The following ZNF423 variants were observed in gnomAD, a reference collection of about 807,000 sequenced individuals.
The protein encoded by ZNF423 is Ebf-associated zinc finger protein.
In ZNF423, 12 loss-of-function variants were observed where a neutral mutation model predicts 95.8. The observed-to-expected ratio is 0.13, with a 90% confidence interval of 0.08 to 0.20. ZNF423 has a LOEUF of 0.20. Among genes scored for constraint, ZNF423 ranks in the 10% least tolerant of loss-of-function variants. ZNF423 has a pLI of 1.00. For missense variants in ZNF423, 1,316 were observed against 1,737.1 expected (o/e 0.76, Z 4.31); for synonymous variants, 749 against 711.9 (o/e 1.05, Z -0.83).
intron 3 of ZNF423, among the ~76,000 whole-genome samples, chr16:49,676,927 T>G (rs188294299): frequency 2.6e-5 from 4 of 152,138 alleles, no homozygotes; most frequent in Admixed American, 2.6e-4. Flanking sequence ...TTTAGAAATG[T>G]AGAATTTAGG....
chr16:49,488,230 C>A lies in ZNF423; in HGVS notation c.*3045G>T, dbSNP rs765487656. On this transcript the variant is annotated 3_prime_UTR_variant, in exon 8 of 8. Coordinates refer to ENST00000563137, the MANE Select transcript of ZNF423 (RefSeq NM_001379286.1). ...AGGTGAAAAGTTCAATATTACACAA[C>A]TGTGAATTTAAAAGGAGCGTTCTTT... The A allele has an allele frequency of 6.6e-6, 1 of 152,258 alleles. No individual in the cohort carries two copies. Among genetic ancestry groups the A allele is most frequent in the Non-Finnish European group, 1.5e-5 (1 of 68,060 alleles). 9.4% of individuals were successfully genotyped at this position (152,258 alleles called of 1,614,324 possible). A position where few individuals can be genotyped will look rare whatever the true frequency, so the allele number is the denominator to read the frequency against.
intron 5 of ZNF423, among the ~76,000 whole-genome samples, chr16:49,588,524 A>G (rs1265664356): frequency 1.3e-5 from 2 of 152,178 alleles, no homozygotes; most frequent in African/African-American, 2.4e-5. Context: ...GAGCAGGTTA[A>G]ATTCCACCCA....
intron 1 of ZNF423, among the ~76,000 whole-genome samples, chr16:49,843,637 A>G (rs533105666): frequency 2.4e-4 from 37 of 152,352 alleles, no homozygotes; most frequent in African/African-American, 8.4e-4. Context: ...GCCCAAAGTC[A>G]GAGTATGTTT....
intron 2 of ZNF423, among the ~76,000 whole-genome samples, chr16:49,755,321 C>T (rs534154494): frequency 1.5e-3 from 227 of 152,324 alleles, no homozygotes; most frequent in African/African-American, 5.2e-3. Context: ...CTCCCGCCTC[C>T]TCGCCCGCTT....
chr16:49,722,591 A>G (rs962555451), intron 3 of ZNF423, among the ~76,000 whole-genome samples: 7 of 152,212 alleles, frequency 4.6e-5, no homozygotes, highest in African/African-American at 1.4e-4. Context: ...CTGATTATAC[A>G]TTAATTGAGG....
At chr16:49,756,756 G>C (rs923820381) in intron 2 of ZNF423, among the ~76,000 whole-genome samples, 1 of 152,060 alleles carries the variant, frequency 6.6e-6, no homozygotes, top group Non-Finnish European at 1.5e-5. Flanking sequence ...ACGGGTCATG[G>C]GTGGGCTGAG....
At chr16:49,499,874 C>T (rs779367543) in intron 7 of ZNF423, among the ~76,000 whole-genome samples, 2 of 152,142 alleles carry the variant, frequency 1.3e-5, no homozygotes, top group Non-Finnish European at 2.9e-5. Context: ...CCGAAGCCTT[C>T]TATTAGGAAC....
At chr16:49,503,056 C>T (rs1483642662) in intron 7 of ZNF423, among the ~76,000 whole-genome samples, 3 of 151,078 alleles carry the variant, frequency 2.0e-5, no homozygotes, top group Non-Finnish European at 3.0e-5. Context: ...TGGATACCCT[C>T]GAATCCCCCC....
At position 49,496,558 on chromosome 16, in the gene ZNF423, C is replaced by T. The variant is rs565841137; in HGVS notation, c.3850-5254G>A. ...ACCAGAAACAGATGGTGGCGCCTTG[C>T]TTCCTGTACAGCCTATAGAACTGTG... On this transcript the variant is annotated intron_variant, in intron 7 of 7. Transcript: ENST00000563137. 5.9e-5 allele frequency among the ~76,000 whole-genome samples: 9 copies of T among 152,320 alleles called. No homozygotes were observed. In the East Asian group the frequency reaches 1.4e-3, roughly 23 times the overall value.
intron 6 of ZNF423, 112 bp downstream of exon 6, chr16:49,525,251 A>G (rs1305296085): frequency 8.5e-5 from 127 of 1,489,812 alleles, no homozygotes; most frequent in Non-Finnish European, 1.1e-4. Context: ...GTCCTGGTCT[A>G]TAACAGGCCT....
chr16:49,549,223 G>A (rs1466207811), intron 5 of ZNF423, among the ~76,000 whole-genome samples: 1 of 152,168 alleles, frequency 6.6e-6, no homozygotes, highest in Non-Finnish European at 1.5e-5. Context: ...CCTGGTGAAT[G>A]GGGGGCAGGA....
chr16:49,815,692 A>G (rs903164448), intron 1 of ZNF423, among the ~76,000 whole-genome samples: 7 of 151,628 alleles, frequency 4.6e-5, no homozygotes, highest in Non-Finnish European at 1.0e-4. Context: ...GATGCACACA[A>G]CAGGGAGTCA....
intron 2 of ZNF423, among the ~76,000 whole-genome samples, chr16:49,765,697 A>G (rs1026491320): frequency 6.6e-6 from 1 of 152,176 alleles, no homozygotes; most frequent in African/African-American, 2.4e-5. Flanking sequence ...TCCAGCCTGG[A>G]CAACAGAACG....
chr16:49,851,740 C>T (rs1421516220), intron 1 of ZNF423, among the ~76,000 whole-genome samples: 1 of 152,188 alleles, frequency 6.6e-6, no homozygotes, highest in Admixed American at 6.5e-5. Flanking sequence ...GATTCCCCTG[C>T]CAGAGGCACA....
intron 7 of ZNF423, among the ~76,000 whole-genome samples, chr16:49,514,737 G>A (rs557279537): frequency 2.6e-5 from 4 of 152,302 alleles, no homozygotes; most frequent in South Asian, 2.1e-4. Context: ...CCCGCTCAAC[G>A]CTGGGCTGGC....
At chr16:49,544,045 G>C (rs2151742802) in intron 5 of ZNF423, among the ~76,000 whole-genome samples, 1 of 152,296 alleles carries the variant, frequency 6.6e-6, no homozygotes, top group Middle Eastern at 3.4e-3. Flanking sequence ...TGTGGTACTG[G>C]GTCCATCCAT....
chr16:49,800,178 G>A (rs1398549278), intron 1 of ZNF423, among the ~76,000 whole-genome samples: 1 of 151,982 alleles, frequency 6.6e-6, no homozygotes, highest in Admixed American at 6.6e-5. Flanking sequence ...TGGGAGGCAG[G>A]GGTTGCAGTG....
At chr16:49,529,069 C>G (rs551729298) in intron 5 of ZNF423, among the ~76,000 whole-genome samples, 2 of 151,848 alleles carry the variant, frequency 1.3e-5, no homozygotes, top group African/African-American at 4.8e-5. Flanking sequence ...TCCACCCCAG[C>G]GTGGGGACTG....
intron 2 of ZNF423, among the ~76,000 whole-genome samples, chr16:49,755,537 G>C (rs1274167675): frequency 6.6e-6 from 1 of 152,152 alleles, no homozygotes; most frequent in Non-Finnish European, 1.5e-5. Flanking sequence ...ACACACACAT[G>C]CACACATTGT....
Sources: allele counts gnomAD v4.1 joint callset (sites outside exome capture counted in the v4.1 genomes callset), GRCh38; gene constraint gnomAD v4.1.1; transcripts MANE v1.5; gene names NCBI Gene and HGNC (gene_info 2026-07-23, HGNC 2026-07-21).